Variants in RBFOX1 observed in about 807,000 individuals in gnomAD.
The protein encoded by RBFOX1 is RNA binding protein fox-1 homolog 1.
In RBFOX1, 8 loss-of-function variants were observed where a neutral mutation model predicts 57.7. The observed-to-expected ratio is 0.14, with a 90% CI of 0.08 to 0.25. RBFOX1 has a LOEUF of 0.25. Among genes scored for constraint, RBFOX1 ranks in the 10% least tolerant of loss-of-function variants. The pLI, the probability that RBFOX1 is intolerant of heterozygous loss-of-function variation, is 1.00. For synonymous variants in RBFOX1, 326 were observed against 222.4 expected, an observed-to-expected ratio of 1.47 and a Z score of -4.15; for missense variants, 611 against 548.5, an observed-to-expected ratio of 1.11 and a Z score of -1.14.
chr16:6,473,280 C>T (rs1448517294), intron 2 of RBFOX1, among the ~76,000 whole-genome samples: 1 of 152,144 alleles, frequency 6.6e-6, no homozygotes, highest in South Asian at 2.1e-4. Flanking sequence ...ACATGTCTGT[C>T]TCATTTTTGT....
Position 6,924,914 on chromosome 16 carries a change from A to T in RBFOX1, c.-15-127143A>T, listed in dbSNP as rs1486341845. On this transcript the variant is annotated intron_variant, in intron 3 of 15. Coordinates refer to ENST00000550418, the MANE Select transcript of RBFOX1 (RefSeq NM_018723.4). ...CATGTGTTCTCATTGTTCAATTCCT[A>T]CCTATGAGTGAGAACATGCGGTGTT... 3.0e-5 allele frequency among the ~76,000 whole-genome samples: 4 copies of T among 134,750 alleles called. No individual in the cohort carries two copies. In the East Asian group the frequency reaches 9.0e-4, roughly 30 times the overall value. The allele number at this position is 134,750 out of a possible 152,430, so 88.4% of individuals were successfully genotyped here.
At chr16:5,944,356 G>A (rs1306569139) in intron 4 of RBFOX1, among the ~76,000 whole-genome samples, 1 of 152,204 alleles carries the variant, frequency 6.6e-6, no homozygotes, top group African/African-American at 2.4e-5. Flanking sequence ...TTGGGATGGA[G>A]AAGAGAGAGA....
chr16:6,895,567 G>C (rs1190890654), intron 3 of RBFOX1, among the ~76,000 whole-genome samples: 8 of 149,826 alleles, frequency 5.3e-5, no homozygotes, highest in Non-Finnish European at 1.2e-4. Flanking sequence ...ATGAGAGGAA[G>C]GATCTATGTT....
chr16:7,695,615 G>A (rs868816327), intron 14 of RBFOX1, among the ~76,000 whole-genome samples: 1 of 137,662 alleles, frequency 7.3e-6, no homozygotes, highest in African/African-American at 2.8e-5. Context: ...CTGCGCCACT[G>A]CACTCCGGCC....
intron 4 of RBFOX1, among the ~76,000 whole-genome samples, chr16:7,496,339 C>T (rs1319868760): frequency 2.0e-5 from 3 of 152,122 alleles, no homozygotes; most frequent in Non-Finnish European, 4.4e-5. Context: ...GATGGGGTTT[C>T]ATCATGTTGA....
At chr16:6,149,486 G>A (rs148784864) in intron 1 of RBFOX1, among the ~76,000 whole-genome samples, 12 of 152,350 alleles carry the variant, frequency 7.9e-5, no homozygotes, top group Admixed American at 6.5e-4. Context: ...ATTATTCCGT[G>A]ATGGGACATG....
chr16:6,135,027 G>A (rs1033482542), intron 1 of RBFOX1, among the ~76,000 whole-genome samples: 1 of 151,894 alleles, frequency 6.6e-6, no homozygotes, highest in African/African-American at 2.4e-5. Flanking sequence ...CCCGGTGTAT[G>A]ATGTTCCCCT....
intron 2 of RBFOX1, among the ~76,000 whole-genome samples, chr16:6,386,248 C>G (rs1316558927): frequency 6.6e-6 from 1 of 152,190 alleles, no homozygotes; most frequent in Non-Finnish European, 1.5e-5. Context: ...ACACTGCTGT[C>G]CTGTTGTCAT....
intron 3 of RBFOX1, among the ~76,000 whole-genome samples, chr16:7,040,361 C>G (rs537171371): frequency 4.6e-5 from 7 of 152,186 alleles, no homozygotes; most frequent in Non-Finnish European, 1.0e-4. Context: ...TTACTATGTG[C>G]CAGGCCAGAT....
At chr16:7,279,322 A>G (rs1238563845) in intron 4 of RBFOX1, among the ~76,000 whole-genome samples, 1 of 152,056 alleles carries the variant, frequency 6.6e-6, no homozygotes, top group Admixed American at 6.6e-5. Flanking sequence ...TTTCTCAGAA[A>G]TGTCTTGTTT....
rs10492754 is a variant in RBFOX1 at position 7,492,354 on chromosome 16, T to G, written c.28-25793T>G. Among the ~76,000 whole-genome samples the G allele has an allele frequency of 3.3e-5, 5 of 152,048 alleles. No homozygotes were observed. The East Asian group carries it at 9.7e-4, about 30-fold the overall frequency. On this transcript the variant is annotated intron_variant, in intron 4 of 15. Transcript: ENST00000550418. ...AACTTTTCTACCTTAGTGAATTTAATGATGTGGTGATTGTATTTAAATGAC... is the reference window on the plus strand; with the variant it reads ...AACTTTTCTACCTTAGTGAATTTAAGGATGTGGTGATTGTATTTAAATGAC...
chr16:7,640,953 A>T (rs2062688020), intron 11 of RBFOX1, among the ~76,000 whole-genome samples: 1 of 151,898 alleles, frequency 6.6e-6, no homozygotes, highest in South Asian at 2.1e-4. Flanking sequence ...TGAGCAGGTA[A>T]GTTGCAGGGG....
intron 4 of RBFOX1, among the ~76,000 whole-genome samples, chr16:7,153,690 C>T (rs1396685770): frequency 2.2e-5 from 3 of 136,748 alleles, no homozygotes; most frequent in Admixed American, 8.0e-5. Flanking sequence ...TCGGAGGTTG[C>T]ATTGAACTCT....
At chr16:6,957,217 C>T (rs989968323) in intron 3 of RBFOX1, among the ~76,000 whole-genome samples, 12 of 150,036 alleles carry the variant, frequency 8.0e-5, no homozygotes, top group African/African-American at 1.7e-4. Context: ...CTGCAAGCTC[C>T]GCCTCCCGGG....
chr16:6,208,904 G>A (rs1029762304), intron 1 of RBFOX1, among the ~76,000 whole-genome samples: 2 of 152,022 alleles, frequency 1.3e-5, no homozygotes, highest in African/African-American at 4.8e-5. Flanking sequence ...AGGAGGCTAA[G>A]TATCTGTTTA....
rs115345110 is a variant in RBFOX1, at chr16:6,174,183, C to G, written c.-126-142812C>G. ...TTGGGTACACTTTGCCTTTATTCCT[C>G]GAATTTGCTGGTTTTTTGGTTTCAG... On this transcript the variant is annotated intron_variant, in intron 1 of 15. Coordinates refer to ENST00000550418, the MANE Select transcript of RBFOX1 (RefSeq NM_018723.4). Among the ~76,000 whole-genome samples, 818 of 152,234 alleles carry G rather than the reference C, an allele frequency of 5.4e-3. 9 individuals are homozygous for G. Among genetic ancestry groups the G allele is most frequent in the African/African-American group, 0.019 (771 of 41,532 alleles).
At chr16:7,565,913 A>T (rs1207598273) in intron 5 of RBFOX1, among the ~76,000 whole-genome samples, 1 of 152,004 alleles carries the variant, frequency 6.6e-6, no homozygotes, top group Non-Finnish European at 1.5e-5. Flanking sequence ...CTGGGTTTCT[A>T]CACCGTGATG....
chr16:7,087,471 A>T (rs1179433530), intron 4 of RBFOX1, among the ~76,000 whole-genome samples: 1 of 151,770 alleles, frequency 6.6e-6, no homozygotes, highest in African/African-American at 2.4e-5. Context: ...GGATTTGCTC[A>T]TTAAACAGCC....
intron 1 of RBFOX1, among the ~76,000 whole-genome samples, chr16:5,446,061 G>A (rs768054822): frequency 7.2e-5 from 11 of 152,264 alleles, no homozygotes; most frequent in South Asian, 2.1e-4. Context: ...TTTACCCTGG[G>A]CAAGACCCAC....
Sources: gnomAD v4.1 joint callset for allele counts (sites outside exome capture counted in the v4.1 genomes callset) on GRCh38, gnomAD v4.1.1 for gene constraint, MANE v1.5 for transcripts, NCBI Gene and HGNC (gene_info 2026-07-23, HGNC 2026-07-21) for gene names.